The following RALA variants were observed in gnomAD, a reference collection of about 807,000 sequenced individuals.
RALA encodes the protein ras-related protein Ral-A.
RALA carries 5 observed loss-of-function variants against 24.0 expected under a neutral mutation model. That is an observed-to-expected ratio of 0.21 (90% CI 0.11 to 0.44). The LOEUF (loss-of-function observed/expected upper bound fraction) is 0.44. Among genes scored for constraint, RALA ranks in the 20% least tolerant of loss-of-function variants. The pLI, the probability that RALA is intolerant of heterozygous loss-of-function variation, is 0.99. For synonymous variants in RALA, 77 were observed against 83.8 expected, an observed-to-expected ratio of 0.92 and a Z score of 0.44; for missense variants, 95 against 241.2, an observed-to-expected ratio of 0.39 and a Z score of 4.01.
rs752766278 is a variant in RALA at position 39,686,790 on chromosome 7, T to C, written c.114+9T>C. 8.2e-6 allele frequency: 13 copies of C among 1,585,608 alleles called. No homozygotes were observed. In the African/African-American group the frequency reaches 9.4e-5, roughly 11 times the overall value. ...AGTTCATGTACGATGAGGTAAGTGC[T>C]AATTTTATAATGGATCAAAGTTTAG... On this transcript the variant is annotated intron_variant, in intron 2 of 4. Transcript: ENST00000005257.
At chr7:39,638,724 G>C (rs1388443817) in intron 1 of RALA, among the ~76,000 whole-genome samples, 2 of 152,214 alleles carry the variant, frequency 1.3e-5, no homozygotes, top group Non-Finnish European at 2.9e-5. Flanking sequence ...GGGATAATAG[G>C]CATGAGCCAC....
At chr7:39,684,730 A>G (rs1465599994) in intron 1 of RALA, among the ~76,000 whole-genome samples, 9 of 146,614 alleles carry the variant, frequency 6.1e-5, no homozygotes, top group Non-Finnish European at 7.6e-5. Flanking sequence ...AAAAAAAAAG[A>G]AAAAAAAAAG....
At chr7:39,682,464 CCTT>C (rs966570892) in intron 1 of RALA, among the ~76,000 whole-genome samples, 20 of 152,336 alleles carry the variant, frequency 1.3e-4, no homozygotes, top group African/African-American at 4.6e-4. Context: ...TTACCACTAT[CCTT>C]CTTAAAAACT....
chr7:39,685,623 G>A (rs1792686090), intron 1 of RALA, among the ~76,000 whole-genome samples: 1 of 151,722 alleles, frequency 6.6e-6, no homozygotes, highest in Non-Finnish European at 1.5e-5. Context: ...CACACTGAGT[G>A]TAAAAATGTA....
intron 1 of RALA, among the ~76,000 whole-genome samples, chr7:39,647,286 AC>A (rs959657426): frequency 1.3e-5 from 2 of 151,400 alleles, no homozygotes; most frequent in Non-Finnish European, 2.9e-5. Flanking sequence ...CAAGTGGTAC[AC>A]CCCCCTTGAT....
At chr7:39,630,457 T>C (rs1338775136) in intron 1 of RALA, among the ~76,000 whole-genome samples, 1 of 152,192 alleles carries the variant, frequency 6.6e-6, no homozygotes, top group Non-Finnish European at 1.5e-5. Context: ...ATGTTGCAGA[T>C]ATTTTTGCTA....
chr7:39,693,983 A>G (rs1458672060), intron 3 of RALA, among the ~76,000 whole-genome samples: 1 of 152,246 alleles, frequency 6.6e-6, no homozygotes, highest in Non-Finnish European at 1.5e-5. Context: ...AATGTTTGCT[A>G]CATCGTGAGT....
At chr7:39,694,765 A>G (rs1208572166) in intron 3 of RALA, among the ~76,000 whole-genome samples, 1 of 152,104 alleles carries the variant, frequency 6.6e-6, no homozygotes, top group Non-Finnish European at 1.5e-5. Context: ...GCCTGCAGCC[A>G]GGTACAGTGG....
intron 1 of RALA, among the ~76,000 whole-genome samples, chr7:39,670,249 G>T (rs1430497994): frequency 6.6e-6 from 1 of 152,190 alleles, no homozygotes; most frequent in African/African-American, 2.4e-5. Flanking sequence ...GAGCTTAAGT[G>T]ATCTTCTCAC....
intron 1 of RALA, among the ~76,000 whole-genome samples, chr7:39,680,563 G>A (rs1427972632): frequency 2.0e-5 from 3 of 149,214 alleles, no homozygotes; most frequent in East Asian, 3.9e-4. Context: ...GTGACAGAGC[G>A]AGACTGTCTC....
intron 4 of RALA, among the ~76,000 whole-genome samples, chr7:39,702,126 G>GT (rs1257793197): frequency 1.3e-5 from 2 of 152,048 alleles, no homozygotes; most frequent in Admixed American, 1.3e-4. Context: ...TCATATTTGG[G>GT]TTTTTTCATT....
intron 1 of RALA, among the ~76,000 whole-genome samples, chr7:39,644,939 TATACA>T (rs1327562397): frequency 4.6e-5 from 7 of 152,210 alleles, no homozygotes; most frequent in Admixed American, 2.0e-4. Context: ...TGTTGTGCAG[TATACA>T]ATACATTTAA....
intron 1 of RALA, among the ~76,000 whole-genome samples, chr7:39,678,653 G>A (rs1792531049): frequency 6.6e-6 from 1 of 152,138 alleles, no homozygotes; most frequent in South Asian, 2.1e-4. Context: ...TGGAATTCAA[G>A]GACCCCTGTT....
At chr7:39,685,981 G>A (rs181774524) in intron 1 of RALA, among the ~76,000 whole-genome samples, 8 of 152,246 alleles carry the variant, frequency 5.3e-5, no homozygotes, top group Non-Finnish European at 7.4e-5. Flanking sequence ...CAAGGCAGGC[G>A]GATCATTAGA....
intron 1 of RALA, 186 bp downstream of exon 1, chr7:39,624,011 C>T (rs960403837): frequency 3.9e-5 from 6 of 152,224 alleles, no homozygotes; most frequent in African/African-American, 1.4e-4. Context: ...GCACCGCGTT[C>T]GCCGCTGTGG....
In RALA at chr7:39,656,113, AC is replaced by A. The variant is rs144397706; in HGVS notation, c.-37-30514del. Among the ~76,000 whole-genome samples the A allele has an allele frequency of 7.7e-3, 1,170 of 152,176 alleles. 20 individuals are homozygous for A. Among genetic ancestry groups the A allele is most frequent in the African/African-American group, 0.027 (1,113 of 41,502 alleles). On this transcript the variant is annotated intron_variant, in intron 1 of 4. Coordinates refer to ENST00000005257, the MANE Select transcript of RALA (RefSeq NM_005402.4). ...GTTTTTTTGTAGTGGCAGAGTCAAA[AC>A]CCCTATTCAGATATCTTAAATTTAT...
At position 39,706,647 on chromosome 7, in the gene RALA, A is replaced by G. The variant is rs928146586; in HGVS notation, c.*402A>G. 2.0e-5 allele frequency: 3 copies of G among 153,816 alleles called. No individual in the cohort carries two copies. Among genetic ancestry groups the G allele is most frequent in the African/African-American group, 7.2e-5 (3 of 41,472 alleles). 9.5% of individuals were successfully genotyped at this position (153,816 alleles called of 1,614,324 possible). A position where few individuals can be genotyped will look rare whatever the true frequency, so the allele number is the denominator to read the frequency against. On this transcript the variant is annotated 3_prime_UTR_variant, in exon 5 of 5. Transcript: ENST00000005257. ...TCTTGGTCTTCTACTGCCTTGAAAAATGACAATTGTGAACATGATAGTTAA... is the reference window on the plus strand; with the variant it reads ...TCTTGGTCTTCTACTGCCTTGAAAAGTGACAATTGTGAACATGATAGTTAA...
intron 3 of RALA, among the ~76,000 whole-genome samples, chr7:39,692,707 A>C (rs1286809427): frequency 2.0e-5 from 3 of 152,182 alleles, no homozygotes; most frequent in African/African-American, 7.2e-5. Context: ...ATGCTTTTTC[A>C]GTATTGGTTT....
chr7:39,700,781 G>A (rs922217023), intron 4 of RALA: 3 of 152,180 alleles, frequency 2.0e-5, no homozygotes, highest in Admixed American at 6.5e-5. Context: ...TACATTAAAC[G>A]AGGCTGCTTG....
Sources: allele counts gnomAD v4.1 joint callset (sites outside exome capture counted in the v4.1 genomes callset), GRCh38; gene constraint gnomAD v4.1.1; transcripts MANE v1.5; gene names NCBI Gene and HGNC (gene_info 2026-07-23, HGNC 2026-07-21).